The following MAP3K7 variants were observed in gnomAD, a reference collection of about 807,000 sequenced individuals.
MAP3K7 encodes the protein mitogen-activated protein kinase kinase kinase 7.
In MAP3K7, 21 loss-of-function variants were observed where a neutral mutation model predicts 84.8. The ratio of observed to expected loss-of-function variants is 0.25; its 90% CI spans 0.18 to 0.36. The LOEUF is 0.36. Ranked by LOEUF, MAP3K7 falls within the 10% of genes least tolerant of loss-of-function variation. The probability of loss-of-function intolerance (pLI) is 1.00; values close to 1 mark genes in which losing one functional copy is unlikely to be tolerated. For missense variants in MAP3K7, 503 were observed against 747.7 expected (o/e 0.67, Z 3.82); for synonymous variants, 241 against 247.7 (o/e 0.97, Z 0.25).
chr6:90,562,211 A>G (rs894940145), intron 3 of MAP3K7, among the ~76,000 whole-genome samples: 1 of 152,226 alleles, frequency 6.6e-6, no homozygotes, highest in African/African-American at 2.4e-5. Flanking sequence ...TACAGGGTTC[A>G]TCTCACTGGG....
chr6:90,537,372 T>C (rs1348752606), intron 12 of MAP3K7, among the ~76,000 whole-genome samples: 2 of 152,044 alleles, frequency 1.3e-5, no homozygotes, highest in South Asian at 2.1e-4. Context: ...GAATTCATTC[T>C]TAAAATTTTA....
chr6:90,555,012 T>A (rs1217676008), intron 6 of MAP3K7, among the ~76,000 whole-genome samples: 2 of 152,104 alleles, frequency 1.3e-5, no homozygotes, highest in Non-Finnish European at 2.9e-5. Context: ...ATAACCAGAG[T>A]CTGATTAACT....
intron 5 of MAP3K7, among the ~76,000 whole-genome samples, chr6:90,558,957 G>A (rs1473678681): frequency 6.6e-6 from 1 of 152,140 alleles, no homozygotes; most frequent in Non-Finnish European, 1.5e-5. Flanking sequence ...ATTTGTTGCT[G>A]GTTAAGAGCT....
chr6:90,520,797 G>T (rs1435316324), intron 14 of MAP3K7, among the ~76,000 whole-genome samples: 1 of 151,982 alleles, frequency 6.6e-6, no homozygotes. Flanking sequence ...CACCCCAACA[G>T]TGGTTTCAAA....
chr6:90,540,176 T>G lies in MAP3K7; in HGVS notation c.1292-3775A>C, dbSNP rs112514762. On this transcript the variant is annotated intron_variant, in intron 12 of 16. Transcript: ENST00000369329. Reference sequence around the variant, plus strand: ...AAAAACATTTGTATATTCAATCTTCTTTTGCATATCCTTAAGAACAGTATG... The same window carrying G: ...AAAAACATTTGTATATTCAATCTTCGTTTGCATATCCTTAAGAACAGTATG... 1.0e-3 allele frequency among the ~76,000 whole-genome samples: 157 copies of G among 152,022 alleles called. 1 individual carries two copies. Among genetic ancestry groups the G allele is most frequent in the African/African-American group, 3.4e-3 (143 of 41,514 alleles).
At position 90,543,905 on chromosome 6, in the gene MAP3K7, G is replaced by A. The variant is rs1775925890; in HGVS notation, c.1291+647C>T. On this transcript the variant is annotated intron_variant, in intron 12 of 16. Coordinates refer to ENST00000369329, the MANE Select transcript of MAP3K7 (RefSeq NM_145331.3). ...CAGTTTACCAATTTTAGACACTAAA[G>A]TACCATGTGTAAGTTAGGTATAAAA... Among the ~76,000 whole-genome samples the A allele has an allele frequency of 2.0e-5, 3 of 152,028 alleles. No individual in the cohort carries two copies. The South Asian group carries it at 6.2e-4, about 31-fold the overall frequency.
chr6:90,567,671 C>G (rs1347971885), intron 3 of MAP3K7, among the ~76,000 whole-genome samples: 2 of 152,164 alleles, frequency 1.3e-5, no homozygotes, highest in Non-Finnish European at 2.9e-5. Flanking sequence ...CCTCAAGGAT[C>G]TAGAGTAGAA....
intron 1 of MAP3K7, among the ~76,000 whole-genome samples, chr6:90,584,219 A>G (rs1383770994): frequency 6.6e-6 from 1 of 152,148 alleles, no homozygotes; most frequent in South Asian, 2.1e-4. Flanking sequence ...TTACAATTGA[A>G]CTGGAAGTGT....
intron 3 of MAP3K7, 65 bp from the exon 4 acceptor site, chr6:90,561,732 G>C: frequency 9.1e-7 from 1 of 1,095,290 alleles, no homozygotes; most frequent in Non-Finnish European, 1.4e-6. Context: ...CTTTGAGAGA[G>C]AATTTAATTC....
chr6:90,540,984 G>A (rs1027060751), intron 12 of MAP3K7, among the ~76,000 whole-genome samples: 2 of 151,772 alleles, frequency 1.3e-5, no homozygotes, highest in Admixed American at 1.3e-4. Context: ...TTGAGATGAA[G>A]GTGGGTGAAA....
At position 90,573,244 on chromosome 6, in the gene MAP3K7, C is replaced by A. The variant is rs144043065; in HGVS notation, c.121-1437G>T. 4.8e-3 allele frequency among the ~76,000 whole-genome samples: 733 copies of A among 152,214 alleles called. 4 individuals carry two copies. Among genetic ancestry groups the A allele is most frequent in the Admixed American group, 7.4e-3 (113 of 15,282 alleles). ...GTCCTAATTTGTAACATATATAAAG[C>A]CCCATGTCGGGAAGTAGAAGTTAGT... On this transcript the variant is annotated intron_variant, in intron 1 of 16. Coordinates refer to ENST00000369329, the MANE Select transcript of MAP3K7 (RefSeq NM_145331.3).
At chr6:90,546,022 T>TATA (rs1775989760) in intron 11 of MAP3K7, among the ~76,000 whole-genome samples, 1 of 152,172 alleles carries the variant, frequency 6.6e-6, no homozygotes, top group African/African-American at 2.4e-5. Flanking sequence ...GAATGGAAGC[T>TATA]ATACAGTAGG....
chr6:90,583,423 C>T (rs980117930), intron 1 of MAP3K7, among the ~76,000 whole-genome samples: 31 of 152,290 alleles, frequency 2.0e-4, no homozygotes, highest in Admixed American at 1.0e-3. Flanking sequence ...CTTAGGCATG[C>T]GGCTTCTGGC....
intron 13 of MAP3K7, among the ~76,000 whole-genome samples, chr6:90,535,530 AAAAC>A (rs1775643644): frequency 6.6e-6 from 1 of 151,992 alleles, no homozygotes; most frequent in Non-Finnish European, 1.5e-5. Context: ...TGTACAGCTG[AAAAC>A]AAACACCTTA....
At chr6:90,564,701 A>T (rs937008817) in intron 3 of MAP3K7, among the ~76,000 whole-genome samples, 1 of 152,236 alleles carries the variant, frequency 6.6e-6, no homozygotes, top group African/African-American at 2.4e-5. Context: ...AATTGAACTC[A>T]GCTCTGCACC....
intron 12 of MAP3K7, chr6:90,536,782 T>C (rs1775695316): frequency 5.7e-6 from 1 of 176,092 alleles, no homozygotes; most frequent in Non-Finnish European, 1.2e-5. Flanking sequence ...TTACAGTTTT[T>C]ACAGCAAGAC....
chr6:90,568,103 T>C (rs1776773047), intron 3 of MAP3K7, among the ~76,000 whole-genome samples: 1 of 151,946 alleles, frequency 6.6e-6, no homozygotes, highest in South Asian at 2.1e-4. Context: ...TTAGGAGAAA[T>C]ACCTAATGTA....
chr6:90,516,469 T>G lies in MAP3K7; in HGVS notation c.*32A>C. On this transcript the variant is annotated 3_prime_UTR_variant, in exon 17 of 17. Transcript: ENST00000369329. ...TTTCCTTAAAAAAAAAGTCTTTCTT[T>G]GCATATTTCAAAATGTAACGGTCCC... is the stretch of plus-strand genomic sequence containing the variant. 1 of 1,592,586 alleles carries G rather than the reference T, an allele frequency of 6.3e-7. No homozygotes were observed. The highest frequency in any genetic ancestry group is 8.5e-7 in the Non-Finnish European group (1 of 1,173,264).
chr6:90,572,104 T>C (rs966967401), intron 1 of MAP3K7, among the ~76,000 whole-genome samples: 2 of 151,764 alleles, frequency 1.3e-5, no homozygotes, highest in African/African-American at 2.4e-5. Context: ...AAGTGATTTG[T>C]TAAATGGAGA....
Sources: gnomAD v4.1 joint callset for allele counts (sites outside exome capture counted in the v4.1 genomes callset) on GRCh38, gnomAD v4.1.1 for gene constraint, MANE v1.5 for transcripts, NCBI Gene and HGNC (gene_info 2026-07-23, HGNC 2026-07-21) for gene names.